Variants in PCDH7 observed in about 807,000 individuals in gnomAD.
PCDH7 encodes protocadherin-7.
PCDH7 carries 17 observed loss-of-function variants against 58.9 expected under a neutral mutation model. The ratio of observed to expected loss-of-function variants is 0.29; its 90% confidence interval spans 0.20 to 0.43. The LOEUF is 0.43. PCDH7 is among the 20% of genes least tolerant of loss of function. The pLI is 1.00. For missense variants in PCDH7, 1,274 were observed against 1,441.0 expected, an observed-to-expected ratio of 0.88 and a Z score of 1.88; for synonymous variants, 664 against 616.4, an observed-to-expected ratio of 1.08 and a Z score of -1.14.
chr4:30,736,260 G>A (rs570454804), downstream of PCDH7, among the ~76,000 whole-genome samples: 1 of 152,180 alleles, frequency 6.6e-6, no homozygotes, highest in East Asian at 1.9e-4. Context: ...ATTTAGAGCA[G>A]ACCAAATGTA....
At chr4:31,076,993 C>T (rs1759049742) in intron 3 of PCDH7, among the ~76,000 whole-genome samples, 3 of 151,636 alleles carry the variant, frequency 2.0e-5, no homozygotes, top group Admixed American at 1.3e-4. Context: ...TCGGTACATC[C>T]TATGAGATCT....
intron 3 of PCDH7, among the ~76,000 whole-genome samples, chr4:30,967,673 A>G (rs561053810): frequency 4.6e-5 from 7 of 152,118 alleles, no homozygotes; most frequent in Non-Finnish European, 8.8e-5. Flanking sequence ...TTACATTCAA[A>G]CTAAGCATGT....
chr4:31,024,209 A>T (rs913239857), intron 3 of PCDH7, among the ~76,000 whole-genome samples: 1 of 152,206 alleles, frequency 6.6e-6, no homozygotes, highest in East Asian at 1.9e-4. Flanking sequence ...CAGAGCACTC[A>T]ACTAATCATT....
intron 1 of PCDH7, among the ~76,000 whole-genome samples, chr4:30,853,519 CG>C (rs1387232279): frequency 6.6e-6 from 1 of 151,966 alleles, no homozygotes; most frequent in Non-Finnish European, 1.5e-5. Context: ...AGTGTTTTAA[CG>C]TAGCAACCCT....
At chr4:30,954,344 G>A (rs774324282) in intron 3 of PCDH7, among the ~76,000 whole-genome samples, 1 of 151,912 alleles carries the variant, frequency 6.6e-6, no homozygotes, top group Non-Finnish European at 1.5e-5. Flanking sequence ...CTTAATGAAA[G>A]TCTTCCATAT....
intron 3 of PCDH7, among the ~76,000 whole-genome samples, chr4:31,115,202 T>C (rs1476635778): frequency 6.6e-6 from 1 of 152,208 alleles, no homozygotes; most frequent in South Asian, 2.1e-4. Context: ...TTGAATTTAA[T>C]AGAAATGCAT....
intron 3 of PCDH7, among the ~76,000 whole-genome samples, chr4:31,059,064 GT>G (rs796364503): frequency 7.2e-5 from 11 of 151,818 alleles, no homozygotes; most frequent in African/African-American, 2.2e-4. Context: ...AACATTTCAA[GT>G]TTTTTTCCTT....
At chr4:30,965,342 A>G (rs951830785) in intron 3 of PCDH7, among the ~76,000 whole-genome samples, 6 of 152,152 alleles carry the variant, frequency 3.9e-5, no homozygotes, top group African/African-American at 1.4e-4. Flanking sequence ...TAGTTTTATA[A>G]TTCTAGTTAC....
intron 1 of PCDH7, among the ~76,000 whole-genome samples, chr4:30,845,092 T>G (rs541286822): frequency 6.6e-6 from 1 of 152,344 alleles, no homozygotes; most frequent in East Asian, 1.9e-4. Flanking sequence ...GCTTAAATAC[T>G]TAAGTGATTT....
intron 1 of PCDH7, among the ~76,000 whole-genome samples, chr4:30,739,157 A>AT (rs559323906): frequency 6.9e-6 from 1 of 145,982 alleles, no homozygotes; most frequent in African/African-American, 2.5e-5. Flanking sequence ...TTTTATATAT[A>AT]TATTATATAT....
intron 1 of PCDH7, among the ~76,000 whole-genome samples, chr4:30,917,374 A>C (rs1366901085): frequency 6.6e-6 from 1 of 152,160 alleles, no homozygotes; most frequent in Non-Finnish European, 1.5e-5. Flanking sequence ...AAAACTGTCA[A>C]AATGAATCTG....
chr4:30,991,122 A>G (rs1027692940), intron 3 of PCDH7, among the ~76,000 whole-genome samples: 1 of 152,146 alleles, frequency 6.6e-6, no homozygotes, highest in Non-Finnish European at 1.5e-5. Context: ...TCAAAAAGCC[A>G]TCTATTTTTA....
At chr4:30,729,972 C>G (rs1047560483) in intron 1 of PCDH7, among the ~76,000 whole-genome samples, 2 of 151,796 alleles carry the variant, frequency 1.3e-5, no homozygotes, top group African/African-American at 4.8e-5. Context: ...AAAATCTGAA[C>G]TATTTTAAAA....
At position 30,757,375 on chromosome 4, in the gene PCDH7, C is replaced by T. The variant is rs562702102; in HGVS notation, c.70+32779C>T. Among the ~76,000 whole-genome samples the T allele has an allele frequency of 3.3e-5, 5 of 152,294 alleles. No individual in the cohort carries two copies. In the East Asian group the frequency reaches 7.7e-4, roughly 24 times the overall value. ...CTTCAGTAGCACCAATAGGATAAAG[C>T]GAACACCGTGAGCAGGGCAGAAAGG... On this transcript the variant is annotated intron_variant, in intron 1 of 3. Transcript: ENST00000509759.
chr4:30,924,498 G>A (rs1396361696), intron 2 of PCDH7, among the ~76,000 whole-genome samples: 1 of 152,126 alleles, frequency 6.6e-6, no homozygotes, highest in Non-Finnish European at 1.5e-5. Flanking sequence ...AGTGATTCTA[G>A]GGCCTTTCTC....
chr4:31,110,013 A>G (rs762428655), intron 3 of PCDH7, among the ~76,000 whole-genome samples: 2 of 152,256 alleles, frequency 1.3e-5, no homozygotes, highest in Non-Finnish European at 2.9e-5. Context: ...AATGGAAAGT[A>G]TACCTAGAAC....
intron 3 of PCDH7, among the ~76,000 whole-genome samples, chr4:31,036,850 C>T (rs530110545): frequency 6.6e-6 from 1 of 152,210 alleles, no homozygotes; most frequent in African/African-American, 2.4e-5. Context: ...GGGGAGGCCT[C>T]ACAATTATGG....
chr4:31,005,750 G>A (rs1752721111), intron 3 of PCDH7, among the ~76,000 whole-genome samples: 2 of 152,162 alleles, frequency 1.3e-5, no homozygotes. Context: ...TAGGTCCAGT[G>A]TGGTCACTAT....
intron 3 of PCDH7, among the ~76,000 whole-genome samples, chr4:31,101,583 A>G (rs1220755434): frequency 6.6e-6 from 1 of 152,200 alleles, no homozygotes; most frequent in Admixed American, 6.5e-5. Flanking sequence ...GGTGTTCTGG[A>G]AAACCTACTA....
Sources: gnomAD v4.1 joint callset for allele counts (sites outside exome capture counted in the v4.1 genomes callset) on GRCh38, gnomAD v4.1.1 for gene constraint, MANE v1.5 for transcripts, NCBI Gene and HGNC (gene_info 2026-07-23, HGNC 2026-07-21) for gene names.